COBLL1: variants seen among roughly 807,000 people sequenced by gnomAD.
COBLL1 encodes the protein cordon-bleu WH2 repeat protein like 1.
COBLL1 carries 50 observed loss-of-function variants against 94.8 expected under a neutral mutation model. The observed-to-expected ratio is 0.53, with a 90% CI of 0.42 to 0.67. The LOEUF (loss-of-function observed/expected upper bound fraction) is 0.67. Among genes scored for constraint, COBLL1 ranks in the 30% least tolerant of loss-of-function variants. The probability of loss-of-function intolerance (pLI) is 0.00; values close to 1 mark genes in which losing one functional copy is unlikely to be tolerated. For missense variants in COBLL1, 1,362 were observed against 1,348.7 expected (o/e 1.01, Z -0.15); for synonymous variants, 448 against 473.8 (o/e 0.95, Z 0.71).
intron 2 of COBLL1, among the ~76,000 whole-genome samples, chr2:164,805,561 TG>T (rs1340192064): frequency 6.6e-6 from 1 of 150,968 alleles, no homozygotes; most frequent in Non-Finnish European, 1.5e-5. Flanking sequence ...CCATAGTTTA[TG>T]TTATATAGTT....
chr2:164,800,074 A>C (rs1683685156), intron 2 of COBLL1, among the ~76,000 whole-genome samples: 1 of 152,196 alleles, frequency 6.6e-6, no homozygotes. Flanking sequence ...AGAATTGGTA[A>C]ATTGGATTTT....
In COBLL1 at chr2:164,741,037, A is replaced by G. The variant is rs2105553077; in HGVS notation, c.230+2650T>C. On this transcript the variant is annotated intron_variant, in intron 3 of 13. Coordinates refer to ENST00000652658, the MANE Select transcript of COBLL1 (RefSeq NM_001365672.2). ...ATGTCTGTAATCTCAGCACTTTGGG[A>G]GGCTGAGGTGGGTGGATCACCTGAG... Among the ~76,000 whole-genome samples the G allele has an allele frequency of 2.0e-5, 3 of 152,256 alleles. No homozygotes were observed. The Middle Eastern group carries it at 0.01, about 518-fold the overall frequency.
intron 5 of COBLL1, chr2:164,727,163 A>G: frequency 7.1e-7 from 1 of 1,417,312 alleles, no homozygotes; most frequent in South Asian, 1.3e-5. Context: ...GGAGGGGTAT[A>G]AAAGAGGGTA....
At chr2:164,771,533 C>T (rs1470024827) in intron 2 of COBLL1, among the ~76,000 whole-genome samples, 1 of 151,982 alleles carries the variant, frequency 6.6e-6, no homozygotes, top group East Asian at 1.9e-4. Context: ...GTGACCTCAA[C>T]TAGAATTATA....
At chr2:164,660,410 G>A (rs1393692248) in intron 2 of COBLL1, among the ~76,000 whole-genome samples, 2 of 152,092 alleles carry the variant, frequency 1.3e-5, no homozygotes, top group East Asian at 1.9e-4. Context: ...AAGTGTCAAC[G>A]AAATTATACT....
intron 2 of COBLL1, among the ~76,000 whole-genome samples, chr2:164,777,206 C>G (rs355881): frequency 0.24 from 36,056 of 151,458 alleles, 5,047 homozygotes; most frequent in African/African-American, 0.38. Flanking sequence ...TTTTCAAAAT[C>G]TCTTTTCAGT....
rs1285693022 is a variant in COBLL1, at chr2:164,746,878, AC to A, written c.42-3004del. Among the ~76,000 whole-genome samples, 4 of 151,566 alleles carry A rather than the reference AC, an allele frequency of 2.6e-5. No individual in the cohort carries two copies. The East Asian group carries it at 7.8e-4, about 29-fold the overall frequency. ...TACAGAGTCTGCTCCTGACCTTAAC[AC>A]CCCCATCTCTCTGCTTTACTTTTGG... is the stretch of plus-strand genomic sequence containing the variant. On this transcript the variant is annotated intron_variant, in intron 2 of 13. Coordinates refer to ENST00000652658, the MANE Select transcript of COBLL1 (RefSeq NM_001365672.2).
intron 13 of COBLL1, among the ~76,000 whole-genome samples, chr2:164,690,338 G>C (rs565780880): frequency 1.3e-5 from 2 of 151,986 alleles, no homozygotes; most frequent in Non-Finnish European, 2.9e-5. Flanking sequence ...CTATCAATAA[G>C]GTTCCACTGA....
In COBLL1 at chr2:164,722,473, A is replaced by C; in HGVS notation, c.711T>G (p.Asn237Lys). 3 of 1,528,430 alleles carry C rather than the reference A, an allele frequency of 2.0e-6. No homozygotes were observed. The highest frequency in any genetic ancestry group is 2.6e-6 in the Non-Finnish European group (3 of 1,141,790). 94.7% of individuals were successfully genotyped at this position (1,528,430 alleles called of 1,614,324 possible). Residue 237 changes from asparagine to lysine, a missense_variant, in exon 6 of 14, where the codon AAT becomes AAG. Transcript: ENST00000652658. Reference protein sequence around the residue: ...QNLDIMKEKENKGFFSFFQRS... With the variant: ...QNLDIMKEKEKKGFFSFFQRS... Reference sequence around the variant, plus strand: ...GTTGAAAAAAACTGAAAAACCCTTTATTTTCTTTCTCCTTCATAATATCTA... The same window carrying C: ...GTTGAAAAAAACTGAAAAACCCTTTCTTTTCTTTCTCCTTCATAATATCTA...
chr2:164,828,395 G>A (rs1167979677), intron 2 of COBLL1, among the ~76,000 whole-genome samples: 1 of 152,180 alleles, frequency 6.6e-6, no homozygotes, highest in African/African-American at 2.4e-5. Context: ...AGCAAAGGGT[G>A]AGTGAGGGGA....
chr2:164,701,897 G>T (rs1684286279), intron 9 of COBLL1, among the ~76,000 whole-genome samples: 1 of 102,532 alleles, frequency 9.8e-6, no homozygotes, highest in South Asian at 2.6e-4. Flanking sequence ...TGTGGTGGGA[G>T]GGGGGGGCGG....
intron 2 of COBLL1, among the ~76,000 whole-genome samples, chr2:164,781,033 C>T (rs1183332702): frequency 6.6e-6 from 1 of 152,194 alleles, no homozygotes; most frequent in Non-Finnish European, 1.5e-5. Context: ...AGTATTTCAA[C>T]AGCAGTAACG....
At chr2:164,698,046 C>A (rs987012397) in intron 11 of COBLL1, 1 of 151,962 alleles carries the variant, frequency 6.6e-6, no homozygotes, top group Non-Finnish European at 1.5e-5. Context: ...CTAGAGTTGA[C>A]AAAAGTCGTA....
chr2:164,787,660 C>A (rs62173955), intron 2 of COBLL1, among the ~76,000 whole-genome samples: 19,860 of 152,020 alleles, frequency 0.13, 1,509 homozygotes, highest in Admixed American at 0.18. Context: ...AAATAAATAC[C>A]CTAACCTCAT....
intron 2 of COBLL1, among the ~76,000 whole-genome samples, chr2:164,768,730 A>T (rs549471281): frequency 1.3e-5 from 2 of 152,190 alleles, no homozygotes; most frequent in Non-Finnish European, 2.9e-5. Context: ...TGTCATCAGA[A>T]TTGAAAAATC....
At chr2:164,818,650 A>G (rs1294644350) in intron 2 of COBLL1, among the ~76,000 whole-genome samples, 3 of 148,224 alleles carry the variant, frequency 2.0e-5, no homozygotes, top group Non-Finnish European at 4.5e-5. Flanking sequence ...ATATGTAAAC[A>G]TATATAGCGT....
intron 3 of COBLL1, 124 bp downstream of exon 3, chr2:164,743,563 G>T: frequency 6.7e-6 from 5 of 747,276 alleles, no homozygotes; most frequent in South Asian, 1.9e-5. Flanking sequence ...TTTTTAACAG[G>T]TAACTAAACT....
At chr2:164,823,538 A>G (rs868254016) in intron 2 of COBLL1, among the ~76,000 whole-genome samples, 1 of 152,146 alleles carries the variant, frequency 6.6e-6, no homozygotes. Context: ...CATGTGTCCA[A>G]GCTTCTCCAG....
intron 2 of COBLL1, among the ~76,000 whole-genome samples, chr2:164,768,470 G>T (rs1416330753): frequency 2.0e-5 from 3 of 151,818 alleles, no homozygotes; most frequent in Admixed American, 2.0e-4. Flanking sequence ...TGTGGCCCAA[G>T]ACAATTCTTT....
Sources: gnomAD v4.1 joint callset for allele counts (sites outside exome capture counted in the v4.1 genomes callset) on GRCh38, gnomAD v4.1.1 for gene constraint, MANE v1.5 for transcripts, NCBI Gene and HGNC (gene_info 2026-07-23, HGNC 2026-07-21) for gene names.